The following ELAVL2 variants were observed in gnomAD, a reference collection of about 807,000 sequenced individuals.
The protein encoded by ELAVL2 is ELAV like RNA binding protein 2, also known as ELAV-like protein 2.
ELAVL2 carries 4 observed loss-of-function variants against 34.6 expected under a neutral mutation model. That is an observed-to-expected ratio of 0.12 (90% CI 0.06 to 0.26). The LOEUF (loss-of-function observed/expected upper bound fraction) is 0.26. Among genes scored for constraint, ELAVL2 ranks in the 10% least tolerant of loss-of-function variants. The probability of loss-of-function intolerance (pLI) is 1.00; values close to 1 mark genes in which losing one functional copy is unlikely to be tolerated. For missense variants in ELAVL2, 432 were observed against 442.8 expected, an observed-to-expected ratio of 0.98 and a Z score of 0.22; for synonymous variants, 193 against 154.8, an observed-to-expected ratio of 1.25 and a Z score of -1.83.
chr9:23,789,864 A>G lies in ELAVL2; in HGVS notation c.-15-27615T>C, dbSNP rs577817894. The stretch of plus-strand genomic sequence containing the variant: ...AAATGTCACTTATAAATGAGAAAAC[A>G]TATTTGAAGTTTTTAAGTGTTCTAT... On this transcript the variant is annotated intron_variant, in intron 1 of 6. Coordinates refer to ENST00000397312, the MANE Select transcript of ELAVL2 (RefSeq NM_004432.5). 3.3e-5 allele frequency among the ~76,000 whole-genome samples: 5 copies of G among 152,308 alleles called. No individual in the cohort carries two copies. In the South Asian group the frequency reaches 6.2e-4, roughly 19 times the overall value.
chr9:23,753,996 A>C (rs956773249), intron 2 of ELAVL2, among the ~76,000 whole-genome samples: 1 of 152,050 alleles, frequency 6.6e-6, no homozygotes, highest in Non-Finnish European at 1.5e-5. Flanking sequence ...GGCTATTCTA[A>C]AAGTTCCTCT....
chr9:23,700,103 T>TAA lies in ELAVL2; in HGVS notation c.713+1274_713+1275dup, dbSNP rs754517615. Among the ~76,000 whole-genome samples, 16 of 152,324 alleles carry TAA rather than the reference T, an allele frequency of 1.1e-4. No individual in the cohort carries two copies. The East Asian group carries it at 3.1e-3, about 29-fold the overall frequency. On this transcript the variant is annotated intron_variant, in intron 5 of 6. Coordinates refer to ENST00000397312, the MANE Select transcript of ELAVL2 (RefSeq NM_004432.5). ...AATGAAAAAAATAAATGCATAGATT[T>TAA]AAGCTAGAAAACATAACTCCTGATC...
At chr9:23,781,906 G>A (rs939615319) in intron 1 of ELAVL2, among the ~76,000 whole-genome samples, 2 of 152,014 alleles carry the variant, frequency 1.3e-5, no homozygotes, top group African/African-American at 2.4e-5. Flanking sequence ...GGATGGTCTC[G>A]ATCTCCTGAC....
At chr9:23,768,801 G>A (rs1366090640) in intron 1 of ELAVL2, among the ~76,000 whole-genome samples, 4 of 152,120 alleles carry the variant, frequency 2.6e-5, no homozygotes, top group Non-Finnish European at 5.9e-5. Context: ...CAGGAAAATG[G>A]CAAAATCAAA....
chr9:23,830,393 A>G (rs974913799), upstream of ELAVL2: 1 of 152,096 alleles, frequency 6.6e-6, no homozygotes, highest in Non-Finnish European at 1.5e-5. Flanking sequence ...TTCTCTTTAC[A>G]TTGTGTCTGT....
At chr9:23,701,682 T>C in intron 4 of ELAVL2, 78 bp from the exon 5 acceptor site, 1 of 1,458,012 alleles carries the variant, frequency 6.9e-7, no homozygotes. Flanking sequence ...GACACATTAA[T>C]TTTTCCTTCT....
At chr9:23,753,605 C>T (rs532597721) in intron 2 of ELAVL2, among the ~76,000 whole-genome samples, 1 of 152,190 alleles carries the variant, frequency 6.6e-6, no homozygotes, top group African/African-American at 2.4e-5. Flanking sequence ...AAAGAAGCAA[C>T]AAGTTCATAT....
chr9:23,840,986 A>G, the ELAVL2 span, among the ~76,000 whole-genome samples: 1 of 152,180 alleles, frequency 6.6e-6, no homozygotes, highest in Non-Finnish European at 1.5e-5. Flanking sequence ...ACTCACCATG[A>G]TTGTCTAACA....
intron 1 of ELAVL2, among the ~76,000 whole-genome samples, chr9:23,799,812 C>T (rs553510390): frequency 6.6e-6 from 1 of 152,186 alleles, no homozygotes; most frequent in African/African-American, 2.4e-5. Context: ...TTAGAAAACC[C>T]TGAAAGGGCT....
rs1218483540 is a variant in ELAVL2 at position 23,826,053 on chromosome 9, T to G, written c.-263A>C. On this transcript the variant is annotated 5_prime_UTR_variant, in exon 1 of 7. Transcript: ENST00000397312. ...AAAGAGTTTAAAAAGACGGAGAGAC[T>G]ACCCTCCTATTGCCGTTCAACTAAA... The G allele has an allele frequency of 6.6e-6, 1 of 152,124 alleles. No homozygotes were observed. The highest frequency in any genetic ancestry group is 1.5e-5 in the Non-Finnish European group (1 of 68,020). The allele number at this position is 152,124 out of a possible 1,614,324, so 9.4% of individuals were successfully genotyped here.
At chr9:23,749,920 A>T (rs2051470924) in intron 2 of ELAVL2, among the ~76,000 whole-genome samples, 1 of 151,860 alleles carries the variant, frequency 6.6e-6, no homozygotes, top group Non-Finnish European at 1.5e-5. Context: ...ACTACGCAAA[A>T]TTACCTAAGA....
chr9:23,754,013 G>A (rs988662787), intron 2 of ELAVL2, among the ~76,000 whole-genome samples: 1 of 151,996 alleles, frequency 6.6e-6, no homozygotes, highest in South Asian at 2.1e-4. Flanking sequence ...CTCTGATAAG[G>A]GCTAGGAAAG....
At chr9:23,757,792 T>C (rs2053934484) in intron 2 of ELAVL2, among the ~76,000 whole-genome samples, 2 of 152,062 alleles carry the variant, frequency 1.3e-5, no homozygotes, top group African/African-American at 2.4e-5. Flanking sequence ...AGAAGATTAT[T>C]GTATTTGCTA....
rs1352190643 is a variant in ELAVL2 at position 23,690,369 on chromosome 9, G to A, written c.*2188C>T. 2 of 152,534 alleles carry A rather than the reference G, an allele frequency of 1.3e-5. No homozygotes were observed. Among genetic ancestry groups the A allele is most frequent in the African/African-American group, 4.8e-5 (2 of 41,428 alleles). 9.4% of individuals were successfully genotyped at this position (152,534 alleles called of 1,614,324 possible). ...TTTGCTACAGTAGTATAGGAAAGAA[G>A]CATGTAGCTGCTGTTTTCCCTTGAG... On this transcript the variant is annotated 3_prime_UTR_variant, in exon 7 of 7. Transcript: ENST00000397312.
intron 1 of ELAVL2, chr9:23,821,895 G>T (rs560298804): frequency 5.2e-4 from 79 of 151,304 alleles, no homozygotes; most frequent in African/African-American, 1.9e-3. Context: ...CCAGGAGGCG[G>T]GGCCGGCGGC....
intron 2 of ELAVL2, among the ~76,000 whole-genome samples, chr9:23,739,553 CCCCACA>C (rs919026913): frequency 7.2e-5 from 11 of 151,992 alleles, no homozygotes; most frequent in Non-Finnish European, 1.6e-4. Flanking sequence ...CTACCCCCAC[CCCCACA>C]CACACTAACA....
chr9:23,751,954 T>C (rs895076385), intron 2 of ELAVL2, among the ~76,000 whole-genome samples: 2 of 152,158 alleles, frequency 1.3e-5, no homozygotes, highest in East Asian at 1.9e-4. Context: ...GTTCCACCCC[T>C]GGAAAATCAA....
chr9:23,723,066 T>C (rs2044149317), intron 3 of ELAVL2, among the ~76,000 whole-genome samples: 1 of 152,170 alleles, frequency 6.6e-6, no homozygotes, highest in Admixed American at 6.5e-5. Flanking sequence ...GATGTTCAGG[T>C]AGAAAAGATT....
intron 1 of ELAVL2, among the ~76,000 whole-genome samples, chr9:23,773,773 T>A (rs1416496462): frequency 6.6e-6 from 1 of 152,158 alleles, no homozygotes; most frequent in African/African-American, 2.4e-5. Context: ...AGGGGTCTGT[T>A]CTCTTTAAAA....
Sources: gnomAD v4.1 joint callset for allele counts (sites outside exome capture counted in the v4.1 genomes callset) on GRCh38, gnomAD v4.1.1 for gene constraint, MANE v1.5 for transcripts, NCBI Gene and HGNC (gene_info 2026-07-23, HGNC 2026-07-21) for gene names.